The following ATM variants were observed in gnomAD, a reference collection of about 807,000 sequenced individuals.
The protein encoded by ATM is ATM serine/threonine kinase.
ATM carries 308 observed loss-of-function variants against 387.0 expected under a neutral mutation model. That is an observed-to-expected ratio of 0.80 (90% confidence interval 0.73 to 0.87). ATM has a LOEUF of 0.87. Ranked by LOEUF, ATM falls within the 40% of genes least tolerant of loss-of-function variation. The probability of loss-of-function intolerance (pLI) is 0.00; values close to 1 mark genes in which losing one functional copy is unlikely to be tolerated. For missense variants in ATM, 3,312 were observed against 3,560.9 expected, an observed-to-expected ratio of 0.93 and a Z score of 1.78; for synonymous variants, 1,156 against 1,187.3, an observed-to-expected ratio of 0.97 and a Z score of 0.54.
rs1591184384 is a variant in ATM, at chr11:108,333,924, C to G, written c.7966C>G (p.Leu2656Val). 1.2e-6 allele frequency: 2 copies of G among 1,611,494 alleles called. No homozygotes were observed. The highest frequency in any genetic ancestry group is 1.7e-6 in the Non-Finnish European group (2 of 1,177,690). ...TCCAGCAGACCAGCCAATTACTAAA[C>G]TTAAGAATTTAGAAGATGTTGTTGT... The part of the protein sequence containing the change: ...NIPADQPITK[L>V]KNLEDVVVPT... The change falls in exon 54 of 63, where the codon CTT (leucine) becomes GTT (valine). Residue 2656 changes from leucine (L) to valine (V), a missense_variant. By Grantham distance (32) the Leu-to-Val change is conservative. Transcript: ENST00000675843.
intron 13 of ATM, 137 bp downstream of exon 13, chr11:108,254,176 C>A: frequency 1.4e-6 from 1 of 738,074 alleles, no homozygotes; most frequent in South Asian, 1.7e-5. Flanking sequence ...CAGTAAAGGG[C>A]TCTAAATTGG....
chr11:108,297,186 T>C (rs544087986), intron 32 of ATM, 101 bp from the exon 33 acceptor site: 4 of 1,014,694 alleles, frequency 3.9e-6, no homozygotes, highest in African/African-American at 1.6e-5. Flanking sequence ...TTTTAAACTT[T>C]ATAGAAGTTT....
At position 108,235,843 on chromosome 11, in the gene ATM, T is replaced by C. The variant is rs2135126833; in HGVS notation, c.496+9T>C. ...TCAGCAACAGTGGTTAGGTATGTTT[T>C]GAAGGTTGTTGTTTGTGAATTTTTC... On this transcript the variant is annotated intron_variant, in intron 5 of 62. Coordinates refer to ENST00000675843, the MANE Select transcript of ATM (RefSeq NM_000051.4). 6.2e-7 allele frequency: 1 copy of C among 1,613,754 alleles called. No homozygotes were observed. The highest frequency in any genetic ancestry group is 1.1e-5 in the South Asian group (1 of 91,078).
rs2091407483 is a variant in ATM at position 108,367,694 on chromosome 11, AT to A, written c.*2188del. 4.6e-6 allele frequency: 1 copy of A among 215,374 alleles called. No individual in the cohort carries two copies. Among genetic ancestry groups the A allele is most frequent in the African/African-American group, 2.3e-5 (1 of 44,332 alleles). 13.3% of individuals were successfully genotyped at this position (215,374 alleles called of 1,614,324 possible). The stretch of plus-strand genomic sequence containing the variant: ...TTTTTATTGCCAATGGCAGGCACTC[AT>A]TCATATTTGATCTCCTCACCTTCCC... On this transcript the variant is annotated 3_prime_UTR_variant, in exon 63 of 63. Coordinates refer to ENST00000675843, the MANE Select transcript of ATM (RefSeq NM_000051.4).
At chr11:108,261,293 G>A (rs1054411102) in intron 16 of ATM, among the ~76,000 whole-genome samples, 8 of 152,278 alleles carry the variant, frequency 5.3e-5, no homozygotes, top group African/African-American at 1.2e-4. Context: ...ATCTGAGAAC[G>A]GGCAGACTGC....
At chr11:108,324,237 C>T (rs1207237144) in intron 45 of ATM, among the ~76,000 whole-genome samples, 4 of 151,892 alleles carry the variant, frequency 2.6e-5, no homozygotes, top group Non-Finnish European at 4.4e-5. Context: ...CTAGAGGTTA[C>T]GTGTAATAGG....
intron 52 of ATM, among the ~76,000 whole-genome samples, chr11:108,332,433 A>T (rs750260209): frequency 2.6e-5 from 4 of 151,742 alleles, no homozygotes; most frequent in Non-Finnish European, 5.9e-5. Context: ...ACTCTGTCTC[A>T]AATTAATTAA....
intron 14 of ATM, among the ~76,000 whole-genome samples, chr11:108,256,553 A>G (rs2080503819): frequency 6.6e-6 from 1 of 152,172 alleles, no homozygotes; most frequent in Admixed American, 6.5e-5. Flanking sequence ...GTTCTGGGGT[A>G]CATGATGTAG....
chr11:108,275,164 A>G (rs2081869496), intron 22 of ATM, among the ~76,000 whole-genome samples: 1 of 151,946 alleles, frequency 6.6e-6, no homozygotes, highest in Non-Finnish European at 1.5e-5. Context: ...TGTTTGTTTT[A>G]TCAGAGACTA....
At chr11:108,320,507 G>A (rs1327160060) in intron 44 of ATM, among the ~76,000 whole-genome samples, 1 of 152,142 alleles carries the variant, frequency 6.6e-6, no homozygotes, top group East Asian at 1.9e-4. Flanking sequence ...TAAATCCTAT[G>A]TTTATCACAG....
chr11:108,337,358 CGAT>C (rs1229011041), intron 56 of ATM, among the ~76,000 whole-genome samples: 5 of 152,120 alleles, frequency 3.3e-5, no homozygotes, highest in African/African-American at 1.2e-4. Context: ...AATTAATCCT[CGAT>C]GAATGCAAAA....
intron 61 of ATM, among the ~76,000 whole-genome samples, chr11:108,364,520 A>G (rs1239967678): frequency 1.3e-5 from 2 of 152,194 alleles, no homozygotes; most frequent in African/African-American, 4.8e-5. Flanking sequence ...TTGGGTTTTG[A>G]GGAGGTTTCA....
rs2087842031 is a variant in ATM at position 108,343,367 on chromosome 11, T to C, written c.8414T>C (p.Met2805Thr). 6.2e-7 allele frequency: 1 copy of C among 1,613,788 alleles called. No homozygotes were observed. The highest frequency in any genetic ancestry group is 1.7e-5 in the Admixed American group (1 of 59,962). ...DFSAFQCQKK[M>T]MEVQKKSFEE... Reference sequence around the variant, plus strand: ...AGTGCCTTTCAGTGCCAAAAGAAAATGATGGTGAGTGACACCCAAAATTAA... The same window carrying C: ...AGTGCCTTTCAGTGCCAAAAGAAAACGATGGTGAGTGACACCCAAAATTAA... The change falls in exon 57 of 63, where the codon ATG (methionine) becomes ACG (threonine). Residue 2805 changes from methionine (M) to threonine (T), a missense_variant. This residue lies in a region of ATM where 1,405 missense variants were observed against 1,604.4 expected (regional missense o/e 0.88). Transcript: ENST00000675843.
At chr11:108,350,524 T>C (rs1224664763) in intron 59 of ATM, among the ~76,000 whole-genome samples, 1 of 152,144 alleles carries the variant, frequency 6.6e-6, no homozygotes, top group Non-Finnish European at 1.5e-5. Context: ...TAGAATGAAA[T>C]TGAATTCCAT....
At chr11:108,344,048 G>A (rs779315718) in intron 57 of ATM, among the ~76,000 whole-genome samples, 24 of 152,104 alleles carry the variant, frequency 1.6e-4, no homozygotes, top group Non-Finnish European at 3.1e-4. Context: ...ACTTGCCCAA[G>A]GCCAGTGAGC....
chr11:108,250,844 C>T lies in ATM; in HGVS notation c.1379C>T (p.Thr460Met), dbSNP rs587781841. ...ERTPYVLRCL[T>M]EVALCQDKRS... ...ACACCATATGTGTTACGATGCCTTA[C>T]GGAAGTTGCATTGTGTCAAGACAAG... The change falls in exon 10 of 63, where the codon ACG becomes ATG. Residue 460 changes from threonine to methionine, a missense_variant. Thr to Met is a moderately conservative substitution (Grantham distance 81). Around this residue, in one of 4 missense-constraint regions of ATM, gnomAD observed 1,791 missense variants for 1,804.5 expected, o/e 0.99. Transcript: ENST00000675843. The T allele has an allele frequency of 1.3e-5, 21 of 1,614,062 alleles. No homozygotes were observed. Among genetic ancestry groups the T allele is most frequent in the East Asian group, 2.2e-5 (1 of 44,878 alleles).
chr11:108,286,967 A>G (rs1265194116), intron 26 of ATM, among the ~76,000 whole-genome samples: 1 of 152,160 alleles, frequency 6.6e-6, no homozygotes, highest in Non-Finnish European at 1.5e-5. Flanking sequence ...TATTCTTTAT[A>G]TTTAGAGAAT....
At chr11:108,328,946 A>G (rs999033177) in intron 48 of ATM, 75 bp from the exon 49 acceptor site, 90 of 1,419,040 alleles carry the variant, frequency 6.3e-5, no homozygotes, top group Non-Finnish European at 8.3e-5. Flanking sequence ...TTAGTGTATT[A>G]CCTTAATTTG....
At chr11:108,309,344 T>C (rs546374194) in intron 38 of ATM, among the ~76,000 whole-genome samples, 4 of 152,314 alleles carry the variant, frequency 2.6e-5, no homozygotes, top group Admixed American at 6.5e-5. Flanking sequence ...AAATTAACTT[T>C]AGTTGAGTGC....
Sources: gnomAD v4.1 joint callset for allele counts (sites outside exome capture counted in the v4.1 genomes callset) on GRCh38, gnomAD v4.1.1 for gene constraint, gnomAD v4.1.1 regional missense constraint, MANE v1.5 for transcripts, NCBI Gene and HGNC (gene_info 2026-07-23, HGNC 2026-07-21) for gene names.